IL18RAP: variants seen among roughly 807,000 people sequenced by gnomAD.
IL18RAP encodes the protein interleukin-18 receptor accessory protein.
A neutral mutation model predicts 58.1 loss-of-function variants in IL18RAP; 37 were observed. The ratio of observed to expected loss-of-function variants is 0.64; its 90% CI spans 0.49 to 0.84. The LOEUF is 0.84. Ranked by LOEUF, IL18RAP falls within the 40% of genes least tolerant of loss-of-function variation. The pLI, the probability that IL18RAP is intolerant of heterozygous loss-of-function variation, is 0.00. For synonymous variants in IL18RAP, 268 were observed against 257.5 expected (o/e 1.04, Z -0.39); for missense variants, 667 against 704.8 (o/e 0.95, Z 0.61).
chr2:102,433,508 G>A (rs1682533722), intron 3 of IL18RAP, among the ~76,000 whole-genome samples: 1 of 152,154 alleles, frequency 6.6e-6, no homozygotes, highest in Non-Finnish European at 1.5e-5. Context: ...ACAGGTGTGA[G>A]CCATCATGCC....
At chr2:102,448,960 CA>C (rs10566180) in intron 8 of IL18RAP, among the ~76,000 whole-genome samples, 14,148 of 67,268 alleles carry the variant, frequency 0.21, 1,179 homozygotes, top group African/African-American at 0.34. Context: ...TACCCTATCT[CA>C]AAAAAAAAAA....
chr2:102,443,065 A>T (rs1165276866), intron 5 of IL18RAP, 135 bp from the exon 6 acceptor site: 2 of 784,580 alleles, frequency 2.5e-6, no homozygotes, highest in African/African-American at 1.7e-5. Flanking sequence ...ACGTTTCATT[A>T]TTTCTGGCAC....
At position 102,432,622 on chromosome 2, in the gene IL18RAP, C is replaced by T. The variant is rs145310568; in HGVS notation, c.580-4590C>T. Among the ~76,000 whole-genome samples the T allele has an allele frequency of 3.9e-5, 6 of 152,184 alleles. No individual in the cohort carries two copies. The East Asian group carries it at 1.2e-3, about 30-fold the overall frequency. On this transcript the variant is annotated intron_variant, in intron 3 of 9. Transcript: ENST00000687160. ...GATCTTACCCCTGGGCCAGGGATAG[C>T]CTTAGGCAGGGCATTGAGGCTTGAT...
At chr2:102,438,376 C>T (rs1021117513) in intron 4 of IL18RAP, among the ~76,000 whole-genome samples, 6 of 152,122 alleles carry the variant, frequency 3.9e-5, no homozygotes, top group Non-Finnish European at 7.4e-5. Flanking sequence ...CACAGAGCAC[C>T]CCAAGACCAA....
upstream of IL18RAP, among the ~76,000 whole-genome samples, chr2:102,421,535 GT>G (rs1186010822): frequency 2.0e-5 from 3 of 152,344 alleles, no homozygotes; most frequent in African/African-American, 7.2e-5. Context: ...GGAAAGGCAA[GT>G]GGGGAGACCA....
upstream of IL18RAP, among the ~76,000 whole-genome samples, chr2:102,420,687 T>A (rs538343893): frequency 6.6e-6 from 1 of 152,332 alleles, no homozygotes; most frequent in Admixed American, 6.5e-5. Context: ...GGAGCTTTTT[T>A]AAAAATTACA....
intron 3 of IL18RAP, 148 bp downstream of exon 3, chr2:102,424,562 C>T (rs1681811569): frequency 1.5e-6 from 1 of 655,288 alleles, no homozygotes; most frequent in African/African-American, 1.8e-5. Flanking sequence ...ATCTGACTTT[C>T]TAAAATAATC....
chr2:102,448,849 T>C (rs1243646173), intron 8 of IL18RAP, among the ~76,000 whole-genome samples: 1 of 150,960 alleles, frequency 6.6e-6, no homozygotes, highest in African/African-American at 2.4e-5. Flanking sequence ...TAGTTCCAGC[T>C]ACTTAGGAGG....
rs1325772507 is a variant in IL18RAP, at chr2:102,423,930, C to G, written c.190C>G (p.Pro64Ala). Residue 64 changes from proline to alanine, a missense_variant, in exon 2 of 10, where the codon CCA (proline) becomes GCA (alanine). Physicochemically the swap from Pro to Ala is conservative, Grantham distance 27. Transcript: ENST00000687160. ...TTTCTGCCACAGAAATCGACTCTCA[C>G]CAAAACAAGTCCCTGAGCACCTGCC... ...SHFCHRNRLSPKQVPEHLPFM... is the reference protein window; with the variant it reads ...SHFCHRNRLSAKQVPEHLPFM... 1.2e-6 allele frequency: 2 copies of G among 1,613,880 alleles called. No individual in the cohort carries two copies. The highest frequency in any genetic ancestry group is 2.7e-5 in the African/African-American group (2 of 74,894).
chr2:102,431,205 T>G (rs1430531620), intron 3 of IL18RAP, among the ~76,000 whole-genome samples: 2 of 152,196 alleles, frequency 1.3e-5, no homozygotes, highest in Non-Finnish European at 2.9e-5. Context: ...GTTGGCAGTT[T>G]GTTTGGGTTT....
upstream of IL18RAP, among the ~76,000 whole-genome samples, chr2:102,422,936 A>G (rs1373549130): frequency 6.6e-6 from 1 of 152,174 alleles, no homozygotes; most frequent in Non-Finnish European, 1.5e-5. Context: ...AAAAAGATTA[A>G]TGAGGGGAAA....
chr2:102,418,768 G>A (rs557272477), upstream of IL18RAP: 132 of 152,282 alleles, frequency 8.7e-4, no homozygotes, highest in African/African-American at 2.9e-3. Flanking sequence ...CTGGTGTAAC[G>A]TGGCTATTGT....
chr2:102,425,338 C>T (rs1195300913), intron 3 of IL18RAP, among the ~76,000 whole-genome samples: 1 of 152,094 alleles, frequency 6.6e-6, no homozygotes, highest in African/African-American at 2.4e-5. Context: ...ATGAGAGTCT[C>T]CTGGGGATAC....
intron 7 of IL18RAP, among the ~76,000 whole-genome samples, chr2:102,445,558 A>T (rs1266463650): frequency 6.6e-6 from 1 of 152,226 alleles, no homozygotes; most frequent in Non-Finnish European, 1.5e-5. Flanking sequence ...TCTCTTAAGT[A>T]ATAGTCTGCG....
intron 8 of IL18RAP, among the ~76,000 whole-genome samples, chr2:102,450,563 A>G (rs997364444): frequency 3.0e-4 from 46 of 152,206 alleles, no homozygotes; most frequent in Non-Finnish European, 5.4e-4. Flanking sequence ...GAAGGCTCAG[A>G]GAAACTCCTG....
chr2:102,420,895 T>C (rs1425960846), upstream of IL18RAP, among the ~76,000 whole-genome samples: 2 of 152,180 alleles, frequency 1.3e-5, no homozygotes, highest in Non-Finnish European at 2.9e-5. Flanking sequence ...TCTGGAAGTG[T>C]TTATCATTTT....
In IL18RAP at chr2:102,429,830, T is replaced by C. The variant is rs143893548; in HGVS notation, c.579+5416T>C. Among the ~76,000 whole-genome samples the C allele has an allele frequency of 6.3e-4, 96 of 152,128 alleles. 2 individuals are homozygous for C. The East Asian group carries it at 0.013, about 20-fold the overall frequency. Reference sequence around the variant, plus strand: ...TTTATTTCTTCTTTATCCCATTGGTTGTTTAGGAGCACTTTGTTTCATTTC... The same window carrying C: ...TTTATTTCTTCTTTATCCCATTGGTCGTTTAGGAGCACTTTGTTTCATTTC... On this transcript the variant is annotated intron_variant, in intron 3 of 9. Coordinates refer to ENST00000687160, the MANE Select transcript of IL18RAP (RefSeq NM_001393487.1).
At chr2:102,429,188 C>T (rs561272084) in intron 3 of IL18RAP, among the ~76,000 whole-genome samples, 3 of 151,954 alleles carry the variant, frequency 2.0e-5, no homozygotes, top group South Asian at 4.1e-4. Flanking sequence ...GCTTTGGTAT[C>T]AGAGTGATGC....
intron 3 of IL18RAP, among the ~76,000 whole-genome samples, chr2:102,428,822 A>G (rs991875678): frequency 6.6e-6 from 1 of 151,864 alleles, no homozygotes; most frequent in Admixed American, 6.6e-5. Flanking sequence ...TTCACAGTTG[A>G]GTATAGCTAT....
Sources: gnomAD v4.1 joint callset for allele counts (sites outside exome capture counted in the v4.1 genomes callset) on GRCh38, gnomAD v4.1.1 for gene constraint, MANE v1.5 for transcripts, NCBI Gene and HGNC (gene_info 2026-07-23, HGNC 2026-07-21) for gene names.